RGS22: variants seen among roughly 807,000 people sequenced by gnomAD.
RGS22 encodes the protein regulator of G-protein signaling 22.
RGS22 carries 148 observed loss-of-function variants against 172.9 expected under a neutral mutation model. The ratio of observed to expected loss-of-function variants is 0.86; its 90% CI spans 0.75 to 0.98. The LOEUF (loss-of-function observed/expected upper bound fraction) is 0.98, where lower values mean the gene tolerates loss of function less well. Ranked by LOEUF, RGS22 falls within the 50% of genes least tolerant of loss-of-function variation. The pLI, the probability that RGS22 is intolerant of heterozygous loss-of-function variation, is 0.00. For missense variants in RGS22, 1,347 were observed against 1,440.8 expected, an observed-to-expected ratio of 0.93 and a Z score of 1.05; for synonymous variants, 458 against 480.2, an observed-to-expected ratio of 0.95 and a Z score of 0.60.
rs75875281 is a variant in RGS22 at position 100,099,852 on chromosome 8, C to T, written c.54+5522G>A. Among the ~76,000 whole-genome samples, 254 of 152,326 alleles carry T rather than the reference C, an allele frequency of 1.7e-3. 9 individuals are homozygous for T. The East Asian group carries it at 0.045, about 27-fold the overall frequency. On this transcript the variant is annotated intron_variant, in intron 2 of 27. Transcript: ENST00000360863. ...TCTTAAAGAAACAAGAACAGGAGAA[C>T]GTAGGGGTAGTACTTAGGTCTAGCC...
intron 15 of RGS22, among the ~76,000 whole-genome samples, chr8:100,006,815 G>C (rs913381409): frequency 1.3e-5 from 2 of 152,118 alleles, no homozygotes; most frequent in Admixed American, 6.6e-5. Context: ...CTGGAACTAA[G>C]AGAGATTTAT....
In RGS22 at chr8:100,063,808, T is replaced by C. The variant is rs1201208331; in HGVS notation, c.960A>G (p.Ile320Met). Residue 320 changes from isoleucine to methionine, a missense_variant, in exon 8 of 28, where the codon ATA becomes ATG. Physicochemically the swap from Ile to Met is conservative, Grantham distance 10 (BLOSUM62 1). Coordinates refer to ENST00000360863, the MANE Select transcript of RGS22 (RefSeq NM_015668.5). ...STCEEFLSSYIYFILRGAIQQ... is the reference protein window; with the variant it reads ...STCEEFLSSYMYFILRGAIQQ... ...GAATTGCTCCTCTCAAAATAAAGTATATATAGGAGCTTAAAAATTCTTCAC... is the reference window on the plus strand; with the variant it reads ...GAATTGCTCCTCTCAAAATAAAGTACATATAGGAGCTTAAAAATTCTTCAC... 2 of 1,612,582 alleles carry C rather than the reference T, an allele frequency of 1.2e-6. No individual in the cohort carries two copies. Among genetic ancestry groups the C allele is most frequent in the South Asian group, 1.1e-5 (1 of 90,516 alleles).
At chr8:99,996,113 G>A (rs1814340049) in intron 20 of RGS22, among the ~76,000 whole-genome samples, 1 of 151,524 alleles carries the variant, frequency 6.6e-6, no homozygotes, top group Admixed American at 6.6e-5. Context: ...GCCTGTTGGG[G>A]GGTGGGGGGC....
chr8:100,034,206 T>G (rs896180077), intron 14 of RGS22, among the ~76,000 whole-genome samples: 4 of 152,072 alleles, frequency 2.6e-5, no homozygotes, highest in African/African-American at 9.7e-5. Context: ...GATTGTATAT[T>G]TAGAAAACCC....
chr8:99,994,104 G>A (rs1814077619), intron 20 of RGS22, among the ~76,000 whole-genome samples: 1 of 152,132 alleles, frequency 6.6e-6, no homozygotes, highest in Non-Finnish European at 1.5e-5. Context: ...AGGTATTGAT[G>A]GAACATATCT....
chr8:100,015,283 CTT>C (rs1432667494), intron 14 of RGS22, among the ~76,000 whole-genome samples: 1 of 150,940 alleles, frequency 6.6e-6, no homozygotes, highest in Non-Finnish European at 1.5e-5. Context: ...TTCCAGTTTT[CTT>C]TTCTTTTCTT....
intron 14 of RGS22, among the ~76,000 whole-genome samples, chr8:100,015,447 C>T (rs1274961851): frequency 6.6e-6 from 1 of 152,072 alleles, no homozygotes; most frequent in Non-Finnish European, 1.5e-5. Flanking sequence ...CATTCACCAC[C>T]ACGCCAGGCT....
chr8:100,041,856 A>C lies in RGS22; in HGVS notation c.1884T>G (p.Ser628=), dbSNP rs751778751. ...VIHLTSFTDI[S]ECLKPQLDRR... ...TATCCAGCTGGGGCTTGAGACATTCAGAAATGTCAGTAAAAGATGTTAAAT... is the reference window on the plus strand; with the variant it reads ...TATCCAGCTGGGGCTTGAGACATTCCGAAATGTCAGTAAAAGATGTTAAAT... Residue 628 remains serine (S), a synonymous_variant, in exon 12 of 28, where the codon TCT becomes TCG. Transcript: ENST00000360863. The C allele has an allele frequency of 8.7e-6, 14 of 1,613,226 alleles. No homozygotes were observed. The East Asian group carries it at 3.1e-4, about 36-fold the overall frequency.
intron 21 of RGS22, among the ~76,000 whole-genome samples, chr8:99,986,265 T>G (rs781266883): frequency 6.6e-6 from 1 of 152,070 alleles, no homozygotes; most frequent in Non-Finnish European, 1.5e-5. Flanking sequence ...TAGTCTCAGC[T>G]GAGAATAGTA....
chr8:100,028,653 T>TA (rs924595361), intron 14 of RGS22, among the ~76,000 whole-genome samples: 3 of 151,964 alleles, frequency 2.0e-5, no homozygotes, highest in African/African-American at 7.3e-5. Flanking sequence ...ACAGCATAGA[T>TA]AAAAAACCCC....
chr8:99,996,749 C>T (rs1408540838), intron 19 of RGS22, among the ~76,000 whole-genome samples: 1 of 152,144 alleles, frequency 6.6e-6, no homozygotes, highest in Non-Finnish European at 1.5e-5. Flanking sequence ...GATAATACTA[C>T]CCGATTGTTA....
chr8:100,000,024 AG>A (rs1460801582), intron 18 of RGS22, among the ~76,000 whole-genome samples: 1 of 152,212 alleles, frequency 6.6e-6, no homozygotes, highest in Non-Finnish European at 1.5e-5. Flanking sequence ...CAGAGGCAAC[AG>A]GAAACAGAAA....
At chr8:99,990,089 A>G (rs1813548978) in intron 20 of RGS22, among the ~76,000 whole-genome samples, 1 of 152,106 alleles carries the variant, frequency 6.6e-6, no homozygotes, top group Admixed American at 6.6e-5. Context: ...ATAAAGAAAA[A>G]TACATACTTA....
At chr8:99,964,462 A>G (rs1174977354) in intron 24 of RGS22, among the ~76,000 whole-genome samples, 3 of 140,704 alleles carry the variant, frequency 2.1e-5, no homozygotes, top group African/African-American at 5.4e-5. Context: ...TGGGTGACAG[A>G]GCAAGACCCT....
chr8:99,990,788 G>C (rs530523974), intron 20 of RGS22, among the ~76,000 whole-genome samples: 1 of 152,170 alleles, frequency 6.6e-6, no homozygotes, highest in African/African-American at 2.4e-5. Context: ...CTCTGAGAAC[G>C]GACAGACTGC....
At chr8:100,080,396 C>T in intron 3 of RGS22, 41 bp from the exon 4 acceptor site, 2 of 1,425,954 alleles carry the variant, frequency 1.4e-6, no homozygotes, top group East Asian at 2.4e-5. Context: ...TTTTTTAAAC[C>T]TGGAAACTCA....
Position 100,068,861 on chromosome 8 carries a change from G to A in RGS22, c.594+2508C>T, listed in dbSNP as rs141473820. 7.5e-3 allele frequency among the ~76,000 whole-genome samples: 1,136 copies of A among 151,830 alleles called. 11 individuals are homozygous for A. Among genetic ancestry groups the A allele is most frequent in the Non-Finnish European group, 0.013 (893 of 67,914 alleles). On this transcript the variant is annotated intron_variant, in intron 6 of 27. Coordinates refer to ENST00000360863, the MANE Select transcript of RGS22 (RefSeq NM_015668.5). ...AGGCAGGAGGATCCCTTGAACCTTGGGAGGTCAAGGCTGCAGTGAGCTGAG... is the reference window on the plus strand; with the variant it reads ...AGGCAGGAGGATCCCTTGAACCTTGAGAGGTCAAGGCTGCAGTGAGCTGAG...
intron 24 of RGS22, among the ~76,000 whole-genome samples, chr8:99,964,439 G>C (rs4593508): frequency 0.089 from 12,792 of 144,004 alleles, 885 homozygotes; most frequent in African/African-American, 0.19. Flanking sequence ...TATCGTACCA[G>C]TGCACTCCAG....
chr8:100,003,084 C>A, intron 17 of RGS22: 1 of 175,866 alleles, frequency 5.7e-6, no homozygotes, highest in South Asian at 9.5e-5. Flanking sequence ...TGAGTAAGAA[C>A]TACTATTTGA....
Sources: gnomAD v4.1 joint callset for allele counts (sites outside exome capture counted in the v4.1 genomes callset) on GRCh38, gnomAD v4.1.1 for gene constraint, MANE v1.5 for transcripts, NCBI Gene and HGNC (gene_info 2026-07-23, HGNC 2026-07-21) for gene names.